Variants in LARGE1 observed in about 807,000 individuals in gnomAD.
LARGE1 encodes the protein xylosyl- and glucuronyltransferase LARGE1.
A neutral mutation model predicts 87.6 loss-of-function variants in LARGE1; 43 were observed. The ratio of observed to expected loss-of-function variants is 0.49; its 90% CI spans 0.38 to 0.63. The LOEUF (loss-of-function observed/expected upper bound fraction) is 0.63. Ranked by LOEUF, LARGE1 falls within the 30% of genes least tolerant of loss-of-function variation. The pLI is 0.00. For missense variants in LARGE1, 802 were observed against 1,000.2 expected (o/e 0.80, Z 2.67); for synonymous variants, 434 against 394.6 (o/e 1.10, Z -1.18).
intron 9 of LARGE1, among the ~76,000 whole-genome samples, chr22:33,342,686 C>T (rs1054941896): frequency 6.6e-6 from 1 of 152,154 alleles, no homozygotes; most frequent in African/African-American, 2.4e-5. Context: ...TGCCCCACAA[C>T]CCACCGCAAG....
intron 6 of LARGE1, among the ~76,000 whole-genome samples, chr22:33,518,147 A>G (rs568959359): frequency 6.6e-6 from 1 of 152,394 alleles, no homozygotes; most frequent in African/African-American, 2.4e-5. Context: ...GTTAATGTGC[A>G]TGAAGTCCTT....
At chr22:33,608,349 C>T (rs2079326234) in intron 4 of LARGE1, among the ~76,000 whole-genome samples, 1 of 152,094 alleles carries the variant, frequency 6.6e-6, no homozygotes, top group Admixed American at 6.5e-5. Context: ...AATGCCCTTC[C>T]CTGCTTGGAA....
At chr22:33,170,737 C>T (rs1042290786) in intron 11 of LARGE1, among the ~76,000 whole-genome samples, 4 of 152,104 alleles carry the variant, frequency 2.6e-5, no homozygotes, top group Non-Finnish European at 5.9e-5. Flanking sequence ...TAAAAATTAC[C>T]CCATCTTGGT....
intron 1 of LARGE1, among the ~76,000 whole-genome samples, chr22:33,825,047 G>A (rs1475404838): frequency 1.3e-5 from 2 of 152,166 alleles, no homozygotes; most frequent in Non-Finnish European, 2.9e-5. Context: ...CCAGGGACCA[G>A]TCTTAAAATG....
intron 1 of LARGE1, among the ~76,000 whole-genome samples, chr22:33,767,477 T>A (rs1327948147): frequency 6.7e-6 from 1 of 148,600 alleles, no homozygotes; most frequent in Non-Finnish European, 1.5e-5. Context: ...ACATATATAT[T>A]ATATATATAA....
intron 11 of LARGE1, among the ~76,000 whole-genome samples, chr22:33,212,830 A>G (rs1303521578): frequency 1.3e-5 from 2 of 152,126 alleles, no homozygotes; most frequent in Non-Finnish European, 2.9e-5. Context: ...ATCCTGGTTA[A>G]CACGGTGAAA....
intron 6 of LARGE1, among the ~76,000 whole-genome samples, chr22:33,504,320 C>T (rs188335673): frequency 5.9e-5 from 9 of 152,250 alleles, no homozygotes; most frequent in East Asian, 1.9e-4. Flanking sequence ...AGTGCAGTGG[C>T]GCAATCTCAG....
chr22:33,819,261 T>C (rs1260958802), intron 1 of LARGE1, among the ~76,000 whole-genome samples: 1 of 141,200 alleles, frequency 7.1e-6, no homozygotes, highest in Non-Finnish European at 1.6e-5. Context: ...CAGTGGTGTG[T>C]GAGTACAAAG....
chr22:33,826,880 A>G (rs2146299243), intron 1 of LARGE1, among the ~76,000 whole-genome samples: 1 of 152,322 alleles, frequency 6.6e-6, no homozygotes, highest in East Asian at 1.9e-4. Context: ...TTTAAAACAG[A>G]TAAATGAGAG....
At position 33,213,961 on chromosome 22, in the gene LARGE1, TG is replaced by T. The variant is rs545495939; in HGVS notation, c.1731-47130del. Among the ~76,000 whole-genome samples, 564 of 152,300 alleles carry T rather than the reference TG, an allele frequency of 3.7e-3. 2 individuals are homozygous for T. Among genetic ancestry groups the T allele is most frequent in the African/African-American group, 0.013 (545 of 41,578 alleles). On this transcript the variant is annotated intron_variant, in intron 11 of 11. Transcript: ENST00000608642. The stretch of plus-strand genomic sequence containing the variant: ...CTCCTGCTTCAGCCTCCTGAGCAAC[TG>T]GGACTACAGCCGCCCGCCAGCACGC...
chr22:33,468,141 T>C (rs916108357), intron 6 of LARGE1, among the ~76,000 whole-genome samples: 1 of 152,228 alleles, frequency 6.6e-6, no homozygotes, highest in Non-Finnish European at 1.5e-5. Context: ...GCCTGGTCTC[T>C]GTTTTGATCT....
At chr22:33,246,816 A>C (rs1254652271) in intron 11 of LARGE1, among the ~76,000 whole-genome samples, 1 of 152,222 alleles carries the variant, frequency 6.6e-6, no homozygotes, top group Non-Finnish European at 1.5e-5. Flanking sequence ...ACAACTTTTT[A>C]TCACTGAAAG....
At chr22:33,697,171 T>C (rs953802339) in intron 2 of LARGE1, among the ~76,000 whole-genome samples, 11 of 152,152 alleles carry the variant, frequency 7.2e-5, no homozygotes, top group Admixed American at 6.5e-5. Context: ...ACAAGGGATG[T>C]TATTTTCTTT....
chr22:33,834,033 A>G (rs952586673), intron 1 of LARGE1, among the ~76,000 whole-genome samples: 1 of 152,218 alleles, frequency 6.6e-6, no homozygotes, highest in Non-Finnish European at 1.5e-5. Flanking sequence ...GGGAAGCTGA[A>G]TAACTTACTG....
At chr22:33,067,758 G>T in the LARGE1 span, among the ~76,000 whole-genome samples, 4 of 152,282 alleles carry the variant, frequency 2.6e-5, no homozygotes, top group African/African-American at 9.6e-5. Flanking sequence ...AAGGCGGATG[G>T]ATCACGAGGT....
chr22:33,651,352 A>G (rs2080806448), intron 2 of LARGE1, among the ~76,000 whole-genome samples: 2 of 137,122 alleles, frequency 1.5e-5, no homozygotes, highest in South Asian at 4.6e-4. Context: ...AGATCGCACC[A>G]CTGCACTCCA....
chr22:33,396,280 T>C (rs545601909), intron 7 of LARGE1, among the ~76,000 whole-genome samples: 2 of 152,328 alleles, frequency 1.3e-5, no homozygotes, highest in South Asian at 4.1e-4. Flanking sequence ...TTCTTATTCA[T>C]AATCCAACAG....
chr22:33,071,815 C>T, the LARGE1 span, among the ~76,000 whole-genome samples: 2 of 152,164 alleles, frequency 1.3e-5, no homozygotes, highest in Admixed American at 1.3e-4. Context: ...CGTTTGGGAA[C>T]TGCTGTGCTG....
upstream of LARGE1, among the ~76,000 whole-genome samples, chr22:33,921,956 C>T (rs1393277076): frequency 6.6e-6 from 1 of 152,032 alleles, no homozygotes. The surrounding 1 kb of genome is among the most constrained non-coding windows in gnomAD (Gnocchi z 4.1). Flanking sequence ...AAGAGGACGC[C>T]GAGAGCTGCA....
Sources: allele counts gnomAD v4.1 joint callset (sites outside exome capture counted in the v4.1 genomes callset), GRCh38; gene constraint gnomAD v4.1.1; non-coding constraint Gnocchi (gnomAD v3.1); transcripts MANE v1.5; gene names NCBI Gene and HGNC (gene_info 2026-07-23, HGNC 2026-07-21).